The following HSD17B12 variants were observed in gnomAD, a reference collection of about 807,000 sequenced individuals.
HSD17B12 encodes the protein very-long-chain 3-oxoacyl-CoA reductase.
HSD17B12 carries 32 observed loss-of-function variants against 39.3 expected under a neutral mutation model. That is an observed-to-expected ratio of 0.81 (90% CI 0.61 to 1.09). HSD17B12 has a LOEUF of 1.09. Ranked by LOEUF, HSD17B12 falls within the 50% of genes least tolerant of loss-of-function variation. HSD17B12 has a pLI of 0.00. For missense variants in HSD17B12, 342 were observed against 382.9 expected (o/e 0.89, Z 0.89); for synonymous variants, 150 against 146.7 (o/e 1.02, Z -0.16).
chr11:43,655,310 G>T, the HSD17B12 span, among the ~76,000 whole-genome samples: 7 of 152,160 alleles, frequency 4.6e-5, no homozygotes, highest in Non-Finnish European at 8.8e-5. Context: ...TTTGGGCTGA[G>T]ACGATGGGGT....
chr11:43,798,336 G>A lies in HSD17B12; in HGVS notation c.300G>A (p.Val100=), dbSNP rs1258596632. 7 of 1,608,598 alleles carry A rather than the reference G, an allele frequency of 4.4e-6. No homozygotes were observed. The highest frequency in any genetic ancestry group is 6.0e-6 in the Non-Finnish European group (7 of 1,176,220). Residue 100 remains valine (V), a synonymous_variant, in exon 4 of 11, where the codon GTG becomes GTA. Coordinates refer to ENST00000278353, the MANE Select transcript of HSD17B12 (RefSeq NM_016142.3). ...VSSEIKEKFK[V]ETRTIAVDFA... ...TTTCCCTAGAAGAAAAATTCAAAGT[G>A]GAGACAAGAACCATTGCTGTTGACT... is the stretch of plus-strand genomic sequence containing the variant.
chr11:43,611,209 TA>T, the HSD17B12 span, among the ~76,000 whole-genome samples: 1 of 152,194 alleles, frequency 6.6e-6, no homozygotes, highest in South Asian at 2.1e-4. Context: ...ATATCATTTT[TA>T]AAAAGGTATA....
At chr11:43,765,004 G>GGGTT (rs10672279) in intron 3 of HSD17B12, among the ~76,000 whole-genome samples, 1 of 151,294 alleles carries the variant, frequency 6.6e-6, no homozygotes, top group African/African-American at 2.4e-5. Context: ...GCCTGCTTTT[G>GGGTT]AATTGCATGC....
At position 43,691,388 on chromosome 11, in the gene HSD17B12, G is replaced by A. The variant is rs554602369; in HGVS notation, c.160+10401G>A. 1.1e-4 allele frequency among the ~76,000 whole-genome samples: 17 copies of A among 152,262 alleles called. No homozygotes were observed. The South Asian group carries it at 3.5e-3, about 32-fold the overall frequency. On this transcript the variant is annotated intron_variant, in intron 1 of 10. Transcript: ENST00000278353. ...GCAAATTTCTCAGGTTTACTCTGTG[G>A]ACCAAATAAATTATGTCAGTGGCTA...
the HSD17B12 span, among the ~76,000 whole-genome samples, chr11:43,557,941 C>A: frequency 6.6e-6 from 1 of 151,896 alleles, no homozygotes; most frequent in African/African-American, 2.4e-5. Flanking sequence ...GAAGGAGGGG[C>A]GTTCTATGAG....
chr11:43,708,142 GTTATAA>G (rs1229994753), intron 1 of HSD17B12, among the ~76,000 whole-genome samples: 1 of 152,194 alleles, frequency 6.6e-6, no homozygotes, highest in Non-Finnish European at 1.5e-5. Context: ...CAGAGCATAA[GTTATAA>G]TATTTTGTCA....
chr11:43,819,728 A>G (rs1951163435), intron 6 of HSD17B12, among the ~76,000 whole-genome samples: 1 of 152,204 alleles, frequency 6.6e-6, no homozygotes, highest in Non-Finnish European at 1.5e-5. Context: ...TGCATGCCAT[A>G]TTGATGGTAA....
intron 6 of HSD17B12, 23 bp downstream of exon 6, chr11:43,816,414 T>C (rs1417121604): frequency 2.6e-6 from 4 of 1,510,302 alleles, no homozygotes; most frequent in Non-Finnish European, 3.6e-6. Flanking sequence ...GTTATAAAGA[T>C]GTCATCCTTT....
intron 1 of HSD17B12, among the ~76,000 whole-genome samples, chr11:43,738,041 A>T (rs1164795037): frequency 1.4e-5 from 2 of 142,936 alleles, no homozygotes; most frequent in Non-Finnish European, 3.0e-5. Flanking sequence ...TGGGCGACAG[A>T]GCCAGACTCT....
At chr11:43,623,071 C>T in the HSD17B12 span, among the ~76,000 whole-genome samples, 2 of 151,842 alleles carry the variant, frequency 1.3e-5, no homozygotes, top group Non-Finnish European at 2.9e-5. Flanking sequence ...ACAATACCAA[C>T]AAAAAGGAAA....
intron 1 of HSD17B12, among the ~76,000 whole-genome samples, chr11:43,686,916 CCATTG>C (rs1949805748): frequency 6.6e-6 from 1 of 152,134 alleles, no homozygotes; most frequent in South Asian, 2.1e-4. Flanking sequence ...ACTGAGATTA[CCATTG>C]CTACTTGCAA....
chr11:43,724,645 T>C lies in HSD17B12; in HGVS notation c.161-26266T>C, dbSNP rs539005526. ...CATGGCAGAGGGGGCAAATGAGCTC[T>C]CTCAGACCTCCAAAAGAGGACTGAT... On this transcript the variant is annotated intron_variant, in intron 1 of 10. Coordinates refer to ENST00000278353, the MANE Select transcript of HSD17B12 (RefSeq NM_016142.3). Among the ~76,000 whole-genome samples, 80 of 152,302 alleles carry C rather than the reference T, an allele frequency of 5.3e-4. 1 individual carries two copies. Among genetic ancestry groups the C allele is most frequent in the African/African-American group, 1.9e-3 (77 of 41,554 alleles).
chr11:43,775,315 G>A (rs922446483), intron 3 of HSD17B12, among the ~76,000 whole-genome samples: 1 of 152,182 alleles, frequency 6.6e-6, no homozygotes, highest in African/African-American at 2.4e-5. Context: ...GCCAAGTTCT[G>A]TGGTAATTGT....
intron 6 of HSD17B12, among the ~76,000 whole-genome samples, chr11:43,822,660 A>T (rs1951194422): frequency 6.6e-6 from 1 of 152,092 alleles, no homozygotes; most frequent in African/African-American, 2.4e-5. Context: ...CAGGACATGA[A>T]CTCATCCTTT....
intron 7 of HSD17B12, among the ~76,000 whole-genome samples, chr11:43,832,102 C>G (rs1041884902): frequency 1.3e-5 from 2 of 152,140 alleles, no homozygotes; most frequent in African/African-American, 4.8e-5. Context: ...AGTAACACTT[C>G]CCTTTAAAAT....
intron 3 of HSD17B12, among the ~76,000 whole-genome samples, chr11:43,790,266 A>T (rs745328628): frequency 6.6e-6 from 1 of 152,208 alleles, no homozygotes; most frequent in Non-Finnish European, 1.5e-5. Context: ...TCCATGGATG[A>T]TATGGTAATG....
chr11:43,575,635 C>T, the HSD17B12 span, among the ~76,000 whole-genome samples: 6 of 152,214 alleles, frequency 3.9e-5, no homozygotes, highest in Non-Finnish European at 7.3e-5. The surrounding 1 kb of genome is among the most constrained non-coding windows in gnomAD (Gnocchi z 4.1). Context: ...GCCTCGCCTG[C>T]TCAGTGGCTG....
the HSD17B12 span, among the ~76,000 whole-genome samples, chr11:43,633,810 C>G: frequency 6.6e-6 from 1 of 151,934 alleles, no homozygotes; most frequent in Admixed American, 6.6e-5. Flanking sequence ...CACGGTGGCT[C>G]ACACTTGTAA....
intron 1 of HSD17B12, among the ~76,000 whole-genome samples, chr11:43,715,566 A>AAG (rs1565060491): frequency 7.2e-5 from 11 of 151,846 alleles, no homozygotes; most frequent in African/African-American, 2.4e-4. Context: ...TGTTCATCTG[A>AAG]GATATTGGTC....
Sources: gnomAD v4.1 joint callset for allele counts (sites outside exome capture counted in the v4.1 genomes callset) on GRCh38, gnomAD v4.1.1 for gene constraint, Gnocchi (gnomAD v3.1) non-coding constraint, MANE v1.5 for transcripts, NCBI Gene and HGNC (gene_info 2026-07-23, HGNC 2026-07-21) for gene names.